Variants in SHTN1 observed in about 807,000 individuals in gnomAD.
SHTN1 encodes the protein shootin-1.
Under a neutral mutation model 83.1 loss-of-function variants are expected in SHTN1, and 42 were observed. The observed-to-expected ratio is 0.51, with a 90% CI of 0.39 to 0.65. SHTN1 has a LOEUF of 0.65. Ranked by LOEUF, SHTN1 falls within the 30% of genes least tolerant of loss-of-function variation. The pLI, the probability that SHTN1 is intolerant of heterozygous loss-of-function variation, is 0.00. For missense variants in SHTN1, 622 were observed against 737.8 expected, an observed-to-expected ratio of 0.84 and a Z score of 1.82; for synonymous variants, 224 against 247.7, an observed-to-expected ratio of 0.90 and a Z score of 0.90.
chr10:116,911,666 C>G, intron 14 of SHTN1, 124 bp downstream of exon 14: 1 of 1,572,012 alleles, frequency 6.4e-7, no homozygotes, highest in Admixed American at 1.8e-5. Context: ...ATAAACTGGC[C>G]AAAGATGAGG....
intron 3 of SHTN1, among the ~76,000 whole-genome samples, chr10:116,967,325 T>C (rs1317606715): frequency 6.6e-6 from 1 of 152,244 alleles, no homozygotes; most frequent in African/African-American, 2.4e-5. Flanking sequence ...AGTACAGCTT[T>C]TGTGGGAATG....
At chr10:117,047,230 A>AT (rs1852676677) in intron 2 of SHTN1, among the ~76,000 whole-genome samples, 1 of 151,962 alleles carries the variant, frequency 6.6e-6, no homozygotes, top group South Asian at 2.1e-4. Context: ...ATGCCTGGCT[A>AT]ATTTTTTTGT....
chr10:117,045,858 C>T (rs1313764515), intron 2 of SHTN1, among the ~76,000 whole-genome samples: 6 of 152,134 alleles, frequency 3.9e-5, no homozygotes, highest in African/African-American at 1.4e-4. Context: ...CCTTAATATG[C>T]TAAGGGTTCT....
rs989860530 is a variant in SHTN1 at position 116,885,466 on chromosome 10, C to A, written c.*878G>T. The A allele has an allele frequency of 4.0e-4, 61 of 152,394 alleles. No individual in the cohort carries two copies. The highest frequency in any genetic ancestry group is 1.4e-3 in the African/African-American group (59 of 41,368). 9.4% of individuals were successfully genotyped at this position (152,394 alleles called of 1,614,324 possible). A position where few individuals can be genotyped will look rare whatever the true frequency, so the allele number is the denominator to read the frequency against. ...ATTTCTTTTTTAAAAAAAACAACAA[C>A]AAACCTGTGTAATATAGAACAGCAG... is the stretch of plus-strand genomic sequence containing the variant. On this transcript the variant is annotated 3_prime_UTR_variant, in exon 17 of 17. Transcript: ENST00000355371.
At chr10:117,111,375 C>A (rs1239474613) in intron 1 of SHTN1, among the ~76,000 whole-genome samples, 2 of 151,706 alleles carry the variant, frequency 1.3e-5, no homozygotes, top group Non-Finnish European at 2.9e-5. Flanking sequence ...CTCACTGTAA[C>A]CTCCGCCTCC....
chr10:117,071,978 G>T (rs1458040562), intron 1 of SHTN1, among the ~76,000 whole-genome samples: 1 of 152,172 alleles, frequency 6.6e-6, no homozygotes, highest in Non-Finnish European at 1.5e-5. Flanking sequence ...CTTTTCTAAG[G>T]ACTTTCATTC....
chr10:116,975,469 C>A (rs1282770026), intron 2 of SHTN1, among the ~76,000 whole-genome samples: 1 of 152,054 alleles, frequency 6.6e-6, no homozygotes. Flanking sequence ...CATAATTGAT[C>A]GTGGTTATTT....
chr10:116,935,590 C>T (rs1042454026), intron 9 of SHTN1, among the ~76,000 whole-genome samples: 5 of 152,278 alleles, frequency 3.3e-5, no homozygotes, highest in African/African-American at 9.6e-5. Context: ...GGGATTTTCA[C>T]ATTGATGTTC....
At chr10:116,960,335 G>C in intron 3 of SHTN1, 105 bp from the exon 4 acceptor site, 1 of 653,098 alleles carries the variant, frequency 1.5e-6, no homozygotes, top group Non-Finnish European at 2.7e-6. Context: ...TCTTTGGCTA[G>C]CCAGACCTTT....
intron 3 of SHTN1, among the ~76,000 whole-genome samples, chr10:116,965,751 A>G (rs997569853): frequency 6.6e-6 from 1 of 152,354 alleles, no homozygotes; most frequent in East Asian, 1.9e-4. Flanking sequence ...ACTATATGCC[A>G]GGTACAGTGT....
chr10:117,062,872 A>C (rs1589916415), intron 1 of SHTN1, among the ~76,000 whole-genome samples: 1 of 152,178 alleles, frequency 6.6e-6, no homozygotes, highest in African/African-American at 2.4e-5. Context: ...GGCAAGGCAT[A>C]GGTAATTACT....
At chr10:116,887,024 A>ACCT (rs1364165886) in intron 16 of SHTN1, among the ~76,000 whole-genome samples, 2 of 151,626 alleles carry the variant, frequency 1.3e-5, no homozygotes, top group African/African-American at 4.9e-5. Context: ...GGACAAGGGG[A>ACCT]GTAATCACCC....
chr10:117,032,798 A>G (rs1162012329), intron 2 of SHTN1, among the ~76,000 whole-genome samples: 2 of 152,182 alleles, frequency 1.3e-5, no homozygotes, highest in Non-Finnish European at 2.9e-5. Flanking sequence ...ATCACAAAAC[A>G]AGTCTTAAAA....
At chr10:117,040,709 A>G (rs188953706) in intron 2 of SHTN1, among the ~76,000 whole-genome samples, 1 of 152,250 alleles carries the variant, frequency 6.6e-6, no homozygotes, top group Admixed American at 6.5e-5. Flanking sequence ...AAACTGCTCA[A>G]TTGACTTTTC....
chr10:117,005,174 G>T lies in SHTN1; in HGVS notation c.-95C>A. 1 of 1,542,286 alleles carries T rather than the reference G, an allele frequency of 6.5e-7. No individual in the cohort carries two copies. The highest frequency in any genetic ancestry group is 8.7e-7 in the Non-Finnish European group (1 of 1,144,268). ...AAAAAGCAAGATGCCGGTGGCTTGCGGCTCCACTACCCGGAAGTTGGATCC... is the reference window on the plus strand; with the variant it reads ...AAAAAGCAAGATGCCGGTGGCTTGCTGCTCCACTACCCGGAAGTTGGATCC... On this transcript the variant is annotated 5_prime_UTR_variant, in exon 1 of 17. Coordinates refer to ENST00000355371, the MANE Select transcript of SHTN1 (RefSeq NM_001127211.3).
chr10:116,881,603 G>T lies in SHTN1; in HGVS notation c.*4741C>A. On this transcript the variant is annotated 3_prime_UTR_variant, in exon 17 of 17. Transcript: ENST00000355371. Reference sequence around the variant, plus strand: ...TTGAGGCTGCTGCGGCTAGGGAGCCGCTGGTGCCCACCTTCCCCACACAAG... The same window carrying T: ...TTGAGGCTGCTGCGGCTAGGGAGCCTCTGGTGCCCACCTTCCCCACACAAG... 1 of 1,550,288 alleles carries T rather than the reference G, an allele frequency of 6.5e-7. No individual in the cohort carries two copies. Among genetic ancestry groups the T allele is most frequent in the Non-Finnish European group, 8.7e-7 (1 of 1,146,862 alleles).
At chr10:117,065,799 A>G (rs1387450555) in intron 1 of SHTN1, among the ~76,000 whole-genome samples, 8 of 36,366 alleles carry the variant, frequency 2.2e-4, no homozygotes, top group Non-Finnish European at 3.2e-4. Flanking sequence ...GAAGGAAGGA[A>G]GGAAGGAAGG....
At chr10:117,083,555 T>G (rs965472977) in intron 1 of SHTN1, among the ~76,000 whole-genome samples, 3 of 151,980 alleles carry the variant, frequency 2.0e-5, no homozygotes, top group Non-Finnish European at 4.4e-5. Flanking sequence ...TGGTGTTCTC[T>G]GTATTTCCTG....
intron 1 of SHTN1, among the ~76,000 whole-genome samples, chr10:117,106,115 G>GA (rs1853665404): frequency 6.7e-6 from 1 of 149,726 alleles, no homozygotes; most frequent in South Asian, 2.1e-4. Context: ...GTCTCAAAAA[G>GA]AAAAAAGATA....
Sources: allele counts gnomAD v4.1 joint callset (sites outside exome capture counted in the v4.1 genomes callset), GRCh38; gene constraint gnomAD v4.1.1; transcripts MANE v1.5; gene names NCBI Gene and HGNC (gene_info 2026-07-23, HGNC 2026-07-21).